EDN3: variants seen among roughly 807,000 people sequenced by gnomAD.
EDN3 encodes endothelin-3.
In EDN3, 9 loss-of-function variants were observed where a neutral mutation model predicts 21.4. The observed-to-expected ratio is 0.42, with a 90% CI of 0.25 to 0.73. The LOEUF (loss-of-function observed/expected upper bound fraction) is 0.73, where lower values mean the gene tolerates loss of function less well. Ranked by LOEUF, EDN3 falls within the 30% of genes least tolerant of loss-of-function variation. The probability of loss-of-function intolerance (pLI) is 0.26; values close to 1 mark genes in which losing one functional copy is unlikely to be tolerated. For missense variants in EDN3, 327 were observed against 309.4 expected (o/e 1.06, Z -0.43); for synonymous variants, 133 against 126.2 (o/e 1.05, Z -0.36).
chr20:59,308,485 C>T (rs7262200), intron 2 of EDN3, among the ~76,000 whole-genome samples: 4,791 of 152,236 alleles, frequency 0.031, 94 homozygotes, highest in Middle Eastern at 0.075. Flanking sequence ...GAACAGATCC[C>T]TTTGTAGGGG....
intron 2 of EDN3, among the ~76,000 whole-genome samples, chr20:59,317,798 A>C (rs1990280238): frequency 6.6e-6 from 1 of 152,228 alleles, no homozygotes; most frequent in Admixed American, 6.5e-5. Flanking sequence ...GTCTCGCCAG[A>C]CTAGAATGAT....
Position 59,301,526 on chromosome 20 carries a change from A to G in EDN3, c.169A>G (p.Thr57Ala). The change falls in exon 2 of 5, where the codon ACT becomes GCT. Residue 57 changes from threonine to alanine, a missense_variant. Transcript: ENST00000337938. ...GACTGTGGCTGGCCCTGGCGAGGAG[A>G]CTGTGGCTGGCCCTGGCGAGGGGAC... ...EETVAGPGEE[T>A]VAGPGEGTVA... 3 of 1,613,418 alleles carry G rather than the reference A, an allele frequency of 1.9e-6. No homozygotes were observed. Among genetic ancestry groups the G allele is most frequent in the Non-Finnish European group, 2.5e-6 (3 of 1,179,886 alleles).
In EDN3 at chr20:59,324,649, A is replaced by G; in HGVS notation, c.*190A>G. ...AAATCCGAATGACCCCAGTTTTCCT[A>G]ATGAGTAAAATGATCCCAGATGTGC... On this transcript the variant is annotated 3_prime_UTR_variant, in exon 5 of 5. Transcript: ENST00000337938. The G allele has an allele frequency of 4.3e-6, 3 of 702,452 alleles. No individual in the cohort carries two copies. The highest frequency in any genetic ancestry group is 5.6e-5 in the East Asian group (2 of 35,656). The allele number at this position is 702,452 out of a possible 1,614,324, so 43.5% of individuals were successfully genotyped here. A position where few individuals can be genotyped will look rare whatever the true frequency, so the allele number is the denominator to read the frequency against.
At chr20:59,318,245 G>A (rs1990307123) in intron 2 of EDN3, among the ~76,000 whole-genome samples, 1 of 152,218 alleles carries the variant, frequency 6.6e-6, no homozygotes, top group South Asian at 2.1e-4. Context: ...GCATGCACGG[G>A]GAGTGCTTGA....
intron 2 of EDN3, among the ~76,000 whole-genome samples, chr20:59,307,596 C>T (rs961816185): frequency 1.3e-5 from 2 of 152,208 alleles, no homozygotes; most frequent in Non-Finnish European, 2.9e-5. Context: ...CCCAGAGTGC[C>T]TCACCTGGGT....
chr20:59,303,353 C>A lies in EDN3; in HGVS notation c.365+1631C>A, dbSNP rs190665392. On this transcript the variant is annotated intron_variant, in intron 2 of 4. Coordinates refer to ENST00000337938, the MANE Select transcript of EDN3 (RefSeq NM_207034.3). ...ATCCTCAGATAGCGAGGGGAGTCAC[C>A]TTTCCTTGTAGCCCCTGCACCTTGG... Among the ~76,000 whole-genome samples the A allele has an allele frequency of 1.7e-3, 260 of 152,290 alleles. 4 individuals carry two copies. Among genetic ancestry groups the A allele is most frequent in the African/African-American group, 6.0e-3 (249 of 41,548 alleles).
chr20:59,304,444 T>A lies in EDN3; in HGVS notation c.365+2722T>A, dbSNP rs11570271. ...CTCCACCAGGTGTGATTTCTCCCTG[T>A]CCCAGCGGCAGCTGTTCTGGGCACG... On this transcript the variant is annotated intron_variant, in intron 2 of 4. Coordinates refer to ENST00000337938, the MANE Select transcript of EDN3 (RefSeq NM_207034.3). 1.4e-3 allele frequency among the ~76,000 whole-genome samples: 208 copies of A among 152,314 alleles called. 2 individuals are homozygous for A. The highest frequency in any genetic ancestry group is 4.8e-3 in the African/African-American group (199 of 41,574).
chr20:59,312,232 G>A (rs1333547094), intron 2 of EDN3, among the ~76,000 whole-genome samples: 1 of 152,142 alleles, frequency 6.6e-6, no homozygotes, highest in Non-Finnish European at 1.5e-5. Flanking sequence ...AAGGGTCACT[G>A]GGGGCTGGGG....
At position 59,300,695 on chromosome 20, in the gene EDN3, G is replaced by T; in HGVS notation, c.-118G>T. The T allele has an allele frequency of 9.8e-7, 1 of 1,025,556 alleles. No homozygotes were observed. The highest frequency in any genetic ancestry group is 1.4e-6 in the Non-Finnish European group (1 of 698,412). 63.5% of individuals were successfully genotyped at this position (1,025,556 alleles called of 1,614,324 possible). On this transcript the variant is annotated 5_prime_UTR_variant, in exon 1 of 5. Coordinates refer to ENST00000337938, the MANE Select transcript of EDN3 (RefSeq NM_207034.3). ...GAGCTGGAGACGCAGCGAGCGATCG[G>T]CCGGCCTCGAACCCCCACAGCTGGA...
At chr20:59,309,406 C>T (rs1205710070) in intron 2 of EDN3, among the ~76,000 whole-genome samples, 2 of 152,220 alleles carry the variant, frequency 1.3e-5, no homozygotes, top group Admixed American at 1.3e-4. Flanking sequence ...CTTCTGACTT[C>T]ACCCAGCATT....
intron 3 of EDN3, among the ~76,000 whole-genome samples, chr20:59,321,551 C>G (rs530802104): frequency 1.3e-5 from 2 of 152,144 alleles, no homozygotes; most frequent in African/African-American, 4.8e-5. Flanking sequence ...CTGCCAAATG[C>G]GTATTTTTAG....
intron 2 of EDN3, among the ~76,000 whole-genome samples, chr20:59,319,670 G>C (rs1408308263): frequency 1.4e-5 from 2 of 148,080 alleles, no homozygotes; most frequent in Non-Finnish European, 3.0e-5. Flanking sequence ...AGGTTGCAGT[G>C]AGCCGAGATC....
chr20:59,324,882 T>C lies in EDN3; in HGVS notation c.*423T>C, dbSNP rs1990753067. The stretch of plus-strand genomic sequence containing the variant: ...GCAGCAGAAGCATGCGACTTTCATA[T>C]CCTTGCCTAGAATAGGCTGCATGGT... On this transcript the variant is annotated 3_prime_UTR_variant, in exon 5 of 5. Transcript: ENST00000337938. The C allele has an allele frequency of 6.5e-6, 2 of 305,538 alleles. No individual in the cohort carries two copies. Among genetic ancestry groups the C allele is most frequent in the South Asian group, 6.6e-5 (2 of 30,288 alleles). The allele number at this position is 305,538 out of a possible 1,614,324, so 18.9% of individuals were successfully genotyped here.
intron 2 of EDN3, among the ~76,000 whole-genome samples, chr20:59,311,071 G>T (rs976085805): frequency 1.3e-5 from 2 of 152,024 alleles, no homozygotes; most frequent in African/African-American, 2.4e-5. Context: ...ATTCATAATC[G>T]ACCAAATATT....
chr20:59,300,856 C>G lies in EDN3; in HGVS notation c.44C>G (p.Ser15Cys), dbSNP rs1189849164. ...LWLLFGLTVT[S>C]AAGFVPCSQS... ...CTCCTTTTCGGGCTCACAGTGACCT[C>G]CGCCGCAGGTAAGCGCACGGGGCGG... Residue 15 changes from serine to cysteine, a missense_variant, in exon 1 of 5, where the codon TCC becomes TGC. By Grantham distance (112) the Ser-to-Cys change is moderately radical. Transcript: ENST00000337938. 2 of 1,611,158 alleles carry G rather than the reference C, an allele frequency of 1.2e-6. No individual in the cohort carries two copies. The highest frequency in any genetic ancestry group is 1.7e-6 in the Non-Finnish European group (2 of 1,179,640).
intron 2 of EDN3, among the ~76,000 whole-genome samples, chr20:59,311,580 A>G (rs1263178045): frequency 6.6e-6 from 1 of 151,512 alleles, no homozygotes; most frequent in Non-Finnish European, 1.5e-5. Flanking sequence ...ATGCATTATA[A>G]TTAGCATATA....
intron 2 of EDN3, among the ~76,000 whole-genome samples, chr20:59,303,037 A>G (rs757426667): frequency 1.3e-5 from 2 of 152,244 alleles, no homozygotes; most frequent in Non-Finnish European, 2.9e-5. Flanking sequence ...AAGGGCAGGC[A>G]GGGGCTTCAC....
chr20:59,304,268 T>C (rs996157013), intron 2 of EDN3, among the ~76,000 whole-genome samples: 8 of 152,176 alleles, frequency 5.3e-5, no homozygotes, highest in East Asian at 3.9e-4. Flanking sequence ...AAAAAATCAC[T>C]GAATTGAGCA....
chr20:59,313,196 C>T (rs11570308), intron 2 of EDN3, among the ~76,000 whole-genome samples: 4,614 of 152,206 alleles, frequency 0.03, 225 homozygotes, highest in African/African-American at 0.11. Context: ...CTCATTTGGA[C>T]CCTATTCATT....
Sources: gnomAD v4.1 joint callset for allele counts (sites outside exome capture counted in the v4.1 genomes callset) on GRCh38, gnomAD v4.1.1 for gene constraint, MANE v1.5 for transcripts, NCBI Gene and HGNC (gene_info 2026-07-23, HGNC 2026-07-21) for gene names.